The following TESK2 variants were observed in gnomAD, a reference collection of about 807,000 sequenced individuals.
TESK2 encodes dual specificity testis-specific protein kinase 2.
TESK2 carries 39 observed loss-of-function variants against 57.1 expected under a neutral mutation model. The observed-to-expected ratio is 0.68, with a 90% CI of 0.53 to 0.89. TESK2 has a LOEUF of 0.89. Ranked by LOEUF, TESK2 falls within the 40% of genes least tolerant of loss-of-function variation. The probability of loss-of-function intolerance (pLI) is 0.00; values close to 1 mark genes in which losing one functional copy is unlikely to be tolerated. For synonymous variants in TESK2, 249 were observed against 267.9 expected (o/e 0.93, Z 0.69); for missense variants, 646 against 732.1 (o/e 0.88, Z 1.36).
intron 9 of TESK2, 141 bp from the exon 10 acceptor site, chr1:45,346,135 ATCCCTACAGT>A: frequency 1.5e-6 from 1 of 688,658 alleles, no homozygotes; most frequent in Non-Finnish European, 2.6e-6. Context: ...AATGAAGGTG[ATCCCTACAGT>A]TCAGGTCAGG....
intron 3 of TESK2, among the ~76,000 whole-genome samples, chr1:45,393,246 C>T (rs965162996): frequency 1.7e-4 from 26 of 152,132 alleles, no homozygotes; most frequent in Non-Finnish European, 4.4e-5. Context: ...TCCAGGCAGG[C>T]ACTGGCTTCA....
At position 45,486,782 on chromosome 1, in the gene TESK2, TACAC is replaced by T. The variant is rs71052887; in HGVS notation, c.-87+4066_-87+4069del. Among the ~76,000 whole-genome samples, 240 of 115,858 alleles carry T rather than the reference TACAC, an allele frequency of 2.1e-3. 1 individual carries two copies. The highest frequency in any genetic ancestry group is 5.7e-3 in the African/African-American group (152 of 26,580). 76.0% of individuals were successfully genotyped at this position (115,858 alleles called of 152,430 possible). A position where few individuals can be genotyped will look rare whatever the true frequency, so the allele number is the denominator to read the frequency against. ...GTGGAGAGTCCCTAGCCTCCCAGCA[TACAC>T]ACACACACACACACACACACACACA... On this transcript the variant is annotated intron_variant, in intron 1 of 10. Coordinates refer to ENST00000372086, the MANE Select transcript of TESK2 (RefSeq NM_007170.3).
chr1:45,466,766 G>A (rs1333144876), intron 1 of TESK2, among the ~76,000 whole-genome samples: 1 of 150,946 alleles, frequency 6.6e-6, no homozygotes, highest in Non-Finnish European at 1.5e-5. Flanking sequence ...TCCTTGCTCC[G>A]TAACTTCTAG....
At chr1:45,401,069 G>C (rs1455781979) in intron 3 of TESK2, among the ~76,000 whole-genome samples, 2 of 145,670 alleles carry the variant, frequency 1.4e-5, no homozygotes, top group African/African-American at 5.0e-5. Context: ...GTGTGACATA[G>C]TCTAAAACAT....
At chr1:45,460,571 G>C (rs11211114) in intron 1 of TESK2, among the ~76,000 whole-genome samples, 31,911 of 151,878 alleles carry the variant, frequency 0.21, 3,699 homozygotes, top group Non-Finnish European at 0.27. Flanking sequence ...GTCGGGTGCA[G>C]GGGCTCATTC....
At chr1:45,428,159 T>C (rs938045702) in intron 2 of TESK2, among the ~76,000 whole-genome samples, 1 of 152,216 alleles carries the variant, frequency 6.6e-6, no homozygotes, top group Non-Finnish European at 1.5e-5. Flanking sequence ...ATAACTTCTT[T>C]ATACATATTA....
At chr1:45,382,646 G>A (rs1348761638) in intron 4 of TESK2, among the ~76,000 whole-genome samples, 22 of 152,124 alleles carry the variant, frequency 1.4e-4, no homozygotes, top group East Asian at 1.9e-4. Flanking sequence ...CAAGGCAGGC[G>A]GATCACCTGA....
intron 3 of TESK2, among the ~76,000 whole-genome samples, chr1:45,392,244 C>A (rs1472637418): frequency 2.6e-5 from 4 of 152,158 alleles, no homozygotes; most frequent in Non-Finnish European, 5.9e-5. Context: ...TGCCACCATG[C>A]CCAGGTAATT....
At chr1:45,399,251 C>T (rs1208087240) in intron 3 of TESK2, among the ~76,000 whole-genome samples, 1 of 148,840 alleles carries the variant, frequency 6.7e-6, no homozygotes, top group African/African-American at 2.5e-5. Context: ...TGGGCTCAAG[C>T]GATCCTCCCA....
intron 3 of TESK2, among the ~76,000 whole-genome samples, chr1:45,390,692 C>T (rs1388380524): frequency 2.0e-5 from 3 of 151,218 alleles, no homozygotes; most frequent in Admixed American, 6.6e-5. Flanking sequence ...CCTCCCACCT[C>T]AGCCTCATGA....
At chr1:45,348,986 G>T (rs1647194331) in intron 5 of TESK2, among the ~76,000 whole-genome samples, 1 of 152,008 alleles carries the variant, frequency 6.6e-6, no homozygotes, top group African/African-American at 2.4e-5. Flanking sequence ...CCAAATAGCT[G>T]CTTTCAAAAT....
chr1:45,368,498 C>A (rs1053673742), intron 4 of TESK2, among the ~76,000 whole-genome samples: 1 of 151,866 alleles, frequency 6.6e-6, no homozygotes, highest in Non-Finnish European at 1.5e-5. Context: ...CTCAGCCTCC[C>A]GAGTACCTGG....
chr1:45,487,204 A>G (rs1653523368), intron 1 of TESK2, among the ~76,000 whole-genome samples: 1 of 152,168 alleles, frequency 6.6e-6, no homozygotes, highest in Admixed American at 6.5e-5. Context: ...TTGAGGGTCT[A>G]TCCCAAACAT....
At chr1:45,476,096 C>A (rs541178171) in intron 1 of TESK2, among the ~76,000 whole-genome samples, 83 of 152,294 alleles carry the variant, frequency 5.4e-4, no homozygotes, top group African/African-American at 1.9e-3. Context: ...CCTTAATAAA[C>A]TCCCTTTCAT....
At chr1:45,463,462 A>T (rs758302237) in intron 1 of TESK2, among the ~76,000 whole-genome samples, 1 of 152,146 alleles carries the variant, frequency 6.6e-6, no homozygotes, top group African/African-American at 2.4e-5. Context: ...CCATTCATTG[A>T]AGAGATTGTC....
intron 4 of TESK2, chr1:45,385,317 C>T: frequency 1.0e-6 from 1 of 985,308 alleles, no homozygotes; most frequent in South Asian, 4.7e-5. Flanking sequence ...AAAGAGAGTT[C>T]TCTGATCCTC....
intron 1 of TESK2, among the ~76,000 whole-genome samples, chr1:45,489,568 T>C (rs1162746226): frequency 3.3e-5 from 5 of 152,306 alleles, no homozygotes; most frequent in East Asian, 3.9e-4. Context: ...GGTGGGCGGA[T>C]TGACTGAGGT....
chr1:45,365,301 C>T (rs1342897160), intron 4 of TESK2, among the ~76,000 whole-genome samples: 1 of 152,066 alleles, frequency 6.6e-6, no homozygotes, highest in African/African-American at 2.4e-5. Context: ...TCACCAGGGC[C>T]TGCCTGACTG....
chr1:45,484,104 CTTTTTTTTT>C (rs533666070), intron 1 of TESK2, among the ~76,000 whole-genome samples: 20 of 84,848 alleles, frequency 2.4e-4, no homozygotes, highest in East Asian at 3.8e-4. Context: ...TTTAATTCTT[CTTTTTTTTT>C]TTTTTTTTTT....
Sources: allele counts gnomAD v4.1 joint callset (sites outside exome capture counted in the v4.1 genomes callset), GRCh38; gene constraint gnomAD v4.1.1; transcripts MANE v1.5; gene names NCBI Gene and HGNC (gene_info 2026-07-23, HGNC 2026-07-21).